Variants in YTHDC2 observed in about 807,000 individuals in gnomAD.
YTHDC2 encodes the protein 3'-5' RNA helicase YTHDC2.
YTHDC2 carries 45 observed loss-of-function variants against 174.9 expected under a neutral mutation model. The ratio of observed to expected loss-of-function variants is 0.26; its 90% CI spans 0.20 to 0.33. The LOEUF is 0.33. Among genes scored for constraint, YTHDC2 ranks in the 10% least tolerant of loss-of-function variants. YTHDC2 has a pLI of 1.00. For missense variants in YTHDC2, 1,650 were observed against 1,723.7 expected, an observed-to-expected ratio of 0.96 and a Z score of 0.76; for synonymous variants, 657 against 574.5, an observed-to-expected ratio of 1.14 and a Z score of -2.05.
At chr5:113,561,756 C>T (rs1008009889) in intron 18 of YTHDC2, among the ~76,000 whole-genome samples, 23 of 152,114 alleles carry the variant, frequency 1.5e-4, no homozygotes, top group South Asian at 1.0e-3. Context: ...TGTGAGCCAC[C>T]GCACCCAGCC....
chr5:113,564,565 A>T (rs1329302920), intron 20 of YTHDC2, among the ~76,000 whole-genome samples: 1 of 152,190 alleles, frequency 6.6e-6, no homozygotes, highest in Non-Finnish European at 1.5e-5. Flanking sequence ...TGCTCAAGAC[A>T]CTATGCTGAG....
chr5:113,592,229 T>C (rs757121078), intron 28 of YTHDC2, 51 bp downstream of exon 28: 2 of 1,497,856 alleles, frequency 1.3e-6, no homozygotes, highest in East Asian at 4.7e-5. Flanking sequence ...GTTTGTTTTC[T>C]GTTATCCAGT....
intron 12 of YTHDC2, among the ~76,000 whole-genome samples, chr5:113,551,963 T>C (rs1437286217): frequency 6.6e-6 from 1 of 152,172 alleles, no homozygotes; most frequent in Admixed American, 6.6e-5. Flanking sequence ...TTTCAGTAAT[T>C]TATGTTGATT....
chr5:113,528,619 CT>C (rs1774447263), intron 4 of YTHDC2, among the ~76,000 whole-genome samples: 1 of 151,246 alleles, frequency 6.6e-6, no homozygotes, highest in Non-Finnish European at 1.5e-5. Flanking sequence ...AGCAATTCTC[CT>C]CCCTCTGCCT....
Position 113,565,874 on chromosome 5 carries a change from AATT to A in YTHDC2, c.2716-15_2716-13del. ...GATTAGTAAATGTGTCTTGTTATGC[AATT>A]ATTCTCTTTTTATAGGCCTGGCAAA... On this transcript the variant is annotated splice_polypyrimidine_tract_variant and intron_variant, in intron 20 of 29. Coordinates refer to ENST00000161863, the MANE Select transcript of YTHDC2 (RefSeq NM_022828.5). 6.2e-7 allele frequency: 1 copy of A among 1,608,066 alleles called. No individual in the cohort carries two copies. Among genetic ancestry groups the A allele is most frequent in the Non-Finnish European group, 8.5e-7 (1 of 1,177,754 alleles).
chr5:113,545,038 T>A (rs570558239), intron 10 of YTHDC2, among the ~76,000 whole-genome samples: 1 of 152,374 alleles, frequency 6.6e-6, no homozygotes, highest in Non-Finnish European at 1.5e-5. Context: ...ATTCTGTTTA[T>A]TCATTATAAA....
Position 113,526,668 on chromosome 5 carries a change from T to C in YTHDC2, c.558T>C (p.Phe186=). The part of the protein sequence containing the change: ...QIPVKRGESE[F]DSFRQSLPVF... ...CAGTGAAAAGAGGAGAATCCGAATT[T>C]GATTCTTTTAGGCAGTCTTTACCAG... is the stretch of plus-strand genomic sequence containing the variant. Residue 186 remains phenylalanine, a synonymous_variant, in exon 4 of 30, where the codon TTT becomes TTC. Transcript: ENST00000161863. The C allele has an allele frequency of 3.7e-6, 6 of 1,607,586 alleles. No homozygotes were observed. The highest frequency in any genetic ancestry group is 5.1e-6 in the Non-Finnish European group (6 of 1,176,474).
intron 10 of YTHDC2, among the ~76,000 whole-genome samples, chr5:113,547,752 T>C (rs1411699611): frequency 6.6e-6 from 1 of 152,212 alleles, no homozygotes; most frequent in Non-Finnish European, 1.5e-5. Flanking sequence ...GGATACCATG[T>C]TTCAGAGTGT....
chr5:113,514,517 C>T (rs1162536032), intron 1 of YTHDC2, among the ~76,000 whole-genome samples: 1 of 152,322 alleles, frequency 6.6e-6, no homozygotes, highest in Non-Finnish European at 1.5e-5. Context: ...TGAAGCATCA[C>T]GCTACCCACT....
intron 27 of YTHDC2, among the ~76,000 whole-genome samples, chr5:113,591,763 CATT>C (rs1397663175): frequency 6.6e-6 from 1 of 152,004 alleles, no homozygotes; most frequent in Non-Finnish European, 1.5e-5. Flanking sequence ...ATTTAGAAAT[CATT>C]ATTGATATTT....
intron 2 of YTHDC2, among the ~76,000 whole-genome samples, chr5:113,523,898 A>G (rs185023416): frequency 2.0e-4 from 31 of 152,282 alleles, no homozygotes; most frequent in Admixed American, 9.8e-4. Context: ...TTATTTCTAT[A>G]ATAGTGACAT....
intron 2 of YTHDC2, among the ~76,000 whole-genome samples, chr5:113,520,137 G>A (rs185773330): frequency 8.5e-5 from 13 of 152,324 alleles, no homozygotes; most frequent in East Asian, 5.8e-4. Flanking sequence ...AGTTATGAGT[G>A]AGAACATGTA....
intron 7 of YTHDC2, among the ~76,000 whole-genome samples, chr5:113,536,793 GTTC>G (rs1272405978): frequency 3.2e-4 from 46 of 146,030 alleles, no homozygotes; most frequent in African/African-American, 8.4e-4. Context: ...ATATATATTT[GTTC>G]TTCATCTTCA....
At chr5:113,546,029 C>T (rs535106729) in intron 10 of YTHDC2, among the ~76,000 whole-genome samples, 23,642 of 94,000 alleles carry the variant, frequency 0.25, 4,151 homozygotes, top group African/African-American at 0.5. Flanking sequence ...CGTGAGCCAC[C>T]GCGCCCGGCC....
In YTHDC2 at chr5:113,533,052, A is replaced by G. The variant is rs765807183; in HGVS notation, c.842+7A>G. 1.2e-6 allele frequency: 2 copies of G among 1,613,788 alleles called. No individual in the cohort carries two copies. The highest frequency in any genetic ancestry group is 1.7e-6 in the Non-Finnish European group (2 of 1,179,870). Reference sequence around the variant, plus strand: ...AGATCCGATTAGAAAGCAGGTAAAAACAGTTCTCATGTATCTTCTCTTTTA... The same window carrying G: ...AGATCCGATTAGAAAGCAGGTAAAAGCAGTTCTCATGTATCTTCTCTTTTA... On this transcript the variant is annotated splice_region_variant and intron_variant, in intron 5 of 29. Transcript: ENST00000161863.
intron 4 of YTHDC2, among the ~76,000 whole-genome samples, chr5:113,531,211 T>A (rs4415069): frequency 0.034 from 5,113 of 152,064 alleles, 279 homozygotes; most frequent in African/African-American, 0.12. Flanking sequence ...TTCTGTATGC[T>A]GGGTTCTGAC....
At chr5:113,582,444 A>G (rs968913589) in intron 25 of YTHDC2, 1 of 152,210 alleles carries the variant, frequency 6.6e-6, no homozygotes, top group East Asian at 1.9e-4. Flanking sequence ...TAGTAATATG[A>G]TAGTGGTTAC....
rs1774890660 is a variant in YTHDC2, at chr5:113,534,202, A to G, written c.843-103A>G. ...CTGTACATACCGGTACACTATTAGTAATATTTATTAAAATGTGTACGAGGC... is the reference window on the plus strand; with the variant it reads ...CTGTACATACCGGTACACTATTAGTGATATTTATTAAAATGTGTACGAGGC... On this transcript the variant is annotated intron_variant, in intron 5 of 29. Coordinates refer to ENST00000161863, the MANE Select transcript of YTHDC2 (RefSeq NM_022828.5). 4 of 853,888 alleles carry G rather than the reference A, an allele frequency of 4.7e-6. No homozygotes were observed. The South Asian group carries it at 6.2e-5, about 13-fold the overall frequency. 52.9% of individuals were successfully genotyped at this position (853,888 alleles called of 1,614,324 possible).
chr5:113,579,824 T>G (rs1177789685), intron 24 of YTHDC2, 129 bp downstream of exon 24: 1 of 1,297,682 alleles, frequency 7.7e-7, no homozygotes. Context: ...GTTTTTCAGT[T>G]TTCTTGGGGA....
Sources: gnomAD v4.1 joint callset for allele counts (sites outside exome capture counted in the v4.1 genomes callset) on GRCh38, gnomAD v4.1.1 for gene constraint, MANE v1.5 for transcripts, NCBI Gene and HGNC (gene_info 2026-07-23, HGNC 2026-07-21) for gene names.